Variants in TTC3 observed in about 807,000 individuals in gnomAD.
TTC3 encodes the protein E3 ubiquitin-protein ligase TTC3.
In TTC3, 180 loss-of-function variants were observed where a neutral mutation model predicts 249.6. The observed-to-expected ratio is 0.72, with a 90% CI of 0.64 to 0.82. The LOEUF is 0.82. TTC3 is among the 40% of genes least tolerant of loss of function. The probability of loss-of-function intolerance (pLI) is 0.00; values close to 1 mark genes in which losing one functional copy is unlikely to be tolerated. For missense variants in TTC3, 2,061 were observed against 2,398.4 expected (o/e 0.86, Z 2.94); for synonymous variants, 717 against 805.0 (o/e 0.89, Z 1.85).
chr21:37,193,122 C>G (rs1333534664), intron 41 of TTC3, among the ~76,000 whole-genome samples: 1 of 152,138 alleles, frequency 6.6e-6, no homozygotes, highest in Non-Finnish European at 1.5e-5. Flanking sequence ...GGAGGAGACT[C>G]TCTCCCAGCA....
chr21:37,172,986 A>G (rs2081941172), intron 35 of TTC3, among the ~76,000 whole-genome samples: 1 of 152,202 alleles, frequency 6.6e-6, no homozygotes, highest in Non-Finnish European at 1.5e-5. Context: ...GTTTAGCTAT[A>G]GTTCAGTTTC....
At chr21:37,078,789 C>A (rs927266261) in intron 1 of TTC3, among the ~76,000 whole-genome samples, 2 of 151,884 alleles carry the variant, frequency 1.3e-5, no homozygotes, top group Non-Finnish European at 2.9e-5. Flanking sequence ...TTAATTTATT[C>A]ATTTTTTTGG....
chr21:37,162,860 G>C (rs759376505), intron 31 of TTC3, among the ~76,000 whole-genome samples: 3 of 152,128 alleles, frequency 2.0e-5, no homozygotes, highest in Non-Finnish European at 2.9e-5. Flanking sequence ...TTTGGTGAGG[G>C]CCTGCTTTCT....
At chr21:37,147,694 C>T in intron 22 of TTC3, 91 bp downstream of exon 22, 1 of 1,445,158 alleles carries the variant, frequency 6.9e-7, no homozygotes, top group East Asian at 2.6e-5. Flanking sequence ...CACCCAAGTT[C>T]TCTGGCTAGT....
At chr21:37,115,236 G>T (rs1012683527) in intron 11 of TTC3, among the ~76,000 whole-genome samples, 1 of 150,700 alleles carries the variant, frequency 6.6e-6, no homozygotes, top group African/African-American at 2.5e-5. Flanking sequence ...AATTAAAATT[G>T]TAGGGATTTG....
At chr21:37,123,081 T>A in intron 13 of TTC3, 53 bp downstream of exon 13, 1 of 1,574,788 alleles carries the variant, frequency 6.4e-7, no homozygotes, top group Non-Finnish European at 8.7e-7. Flanking sequence ...CTTTGCTGCA[T>A]GAATTTAAGA....
exon 46 of TTC3, chr21:37,201,717 CT>C: frequency 1.9e-6 from 2 of 1,060,926 alleles, no homozygotes; most frequent in Non-Finnish European, 1.3e-6. Flanking sequence ...GTTAATATCG[CT>C]GATATTAAGT....
At chr21:37,180,072 C>T (rs1208567433) in intron 35 of TTC3, among the ~76,000 whole-genome samples, 1 of 152,188 alleles carries the variant, frequency 6.6e-6, no homozygotes, top group East Asian at 1.9e-4. Flanking sequence ...AAGTGTCAGG[C>T]TCTGTGCTGG....
chr21:37,083,096 G>A (rs1246593873), intron 1 of TTC3: 1 of 985,280 alleles, frequency 1.0e-6, no homozygotes. Flanking sequence ...GGGTGCTCTT[G>A]TTTACAGAGA....
intron 32 of TTC3, 125 bp downstream of exon 32, chr21:37,164,340 A>ATTTT: frequency 1.2e-5 from 8 of 690,478 alleles, no homozygotes; most frequent in African/African-American, 4.0e-5. Flanking sequence ...TTAATTTAGG[A>ATTTT]TTTTTTTTTT....
intron 1 of TTC3, chr21:37,083,313 C>T: frequency 3.0e-6 from 3 of 985,374 alleles, no homozygotes; most frequent in South Asian, 4.7e-5. Context: ...GTCTTCTATG[C>T]TTATATTAGG....
At chr21:37,073,288 G>T in exon 1 of TTC3, 1 of 261,538 alleles carries the variant, frequency 3.8e-6, no homozygotes, top group Non-Finnish European at 5.8e-6. Flanking sequence ...GACGTGGAGG[G>T]CCGGAGGTGG....
intron 34 of TTC3, among the ~76,000 whole-genome samples, chr21:37,169,535 C>T (rs2081545845): frequency 1.3e-5 from 2 of 151,652 alleles, no homozygotes; most frequent in Admixed American, 1.3e-4. Flanking sequence ...CAGAGTGAGA[C>T]TCCATCTCAG....
intron 10 of TTC3, among the ~76,000 whole-genome samples, chr21:37,105,165 C>T (rs968812669): frequency 2.6e-5 from 4 of 152,192 alleles, no homozygotes; most frequent in African/African-American, 9.7e-5. Context: ...ACATCATTCA[C>T]TAACCTTAGG....
chr21:37,150,610 C>G (rs1657462797), intron 24 of TTC3, among the ~76,000 whole-genome samples: 1 of 152,124 alleles, frequency 6.6e-6, no homozygotes. Flanking sequence ...TTTTTAAAAA[C>G]TTTTTCCTCA....
At chr21:37,191,470 T>C in intron 40 of TTC3, 46 bp downstream of exon 40, 1 of 1,277,222 alleles carries the variant, frequency 7.8e-7, no homozygotes. Context: ...TTTATGATAG[T>C]TATAATTCTC....
intron 8 of TTC3, among the ~76,000 whole-genome samples, chr21:37,095,074 T>C (rs1255900056): frequency 6.6e-6 from 1 of 151,780 alleles, no homozygotes; most frequent in Non-Finnish European, 1.5e-5. Flanking sequence ...AGATGGAGGC[T>C]GCAGTGAGCT....
chr21:37,122,195 AT>A lies in TTC3; in HGVS notation c.1063+219del, dbSNP rs570668801. ...TAATTATAAATGATTTGTACTTTTTATTTGAAACAGACAGCAACCAAATTGT... is the reference window on the plus strand; with the variant it reads ...TAATTATAAATGATTTGTACTTTTTATTGAAACAGACAGCAACCAAATTGT... On this transcript the variant is annotated intron_variant, in intron 12 of 45. Transcript: ENST00000355666. 6.0e-3 allele frequency among the ~76,000 whole-genome samples: 909 copies of A among 152,046 alleles called. 6 individuals carry two copies. The highest frequency in any genetic ancestry group is 0.02 in the African/African-American group (842 of 41,484).
In TTC3 at chr21:37,162,095, T is replaced by G. The variant is rs968242168; in HGVS notation, c.3170+32T>G. 4 of 1,326,716 alleles carry G rather than the reference T, an allele frequency of 3.0e-6. No homozygotes were observed. The African/African-American group carries it at 5.9e-5, about 19-fold the overall frequency. The allele number at this position is 1,326,716 out of a possible 1,614,324, so 82.2% of individuals were successfully genotyped here. ...ATAATTTTTAAATTTTTGCTTCATT[T>G]TAACTCAAATGTCTTTACTTAATAA... On this transcript the variant is annotated intron_variant, in intron 31 of 45. Transcript: ENST00000355666.
Sources: allele counts gnomAD v4.1 joint callset (sites outside exome capture counted in the v4.1 genomes callset), GRCh38; gene constraint gnomAD v4.1.1; transcripts MANE v1.5; gene names NCBI Gene and HGNC (gene_info 2026-07-23, HGNC 2026-07-21).